GMPR2: variants seen among roughly 807,000 people sequenced by gnomAD.
The protein encoded by GMPR2 is guanosine monophosphate reductase 2, also known as GMP reductase 2.
GMPR2 carries 32 observed loss-of-function variants against 38.5 expected under a neutral mutation model. That is an observed-to-expected ratio of 0.83 (90% confidence interval 0.63 to 1.12). GMPR2 has a LOEUF of 1.12. Ranked by LOEUF, GMPR2 falls within the 50% of genes most tolerant of loss-of-function variation. The pLI is 0.00. For missense variants in GMPR2, 396 were observed against 432.1 expected (o/e 0.92, Z 0.74); for synonymous variants, 154 against 151.0 (o/e 1.02, Z -0.15).
At chr14:24,235,630 C>T (rs1176557209) in intron 3 of GMPR2, 107 bp from the exon 4 acceptor site, 5 of 794,534 alleles carry the variant, frequency 6.3e-6, no homozygotes, top group Non-Finnish European at 8.8e-6. Context: ...GACTTGTTTC[C>T]TCCCCAACTT....
chr14:24,238,396 C>T lies in GMPR2; in HGVS notation c.848C>T (p.Ala283Val), dbSNP rs770775837. 13 of 1,613,960 alleles carry T rather than the reference C, an allele frequency of 8.1e-6. No individual in the cohort carries two copies. The Admixed American group carries it at 2.2e-4, about 27-fold the overall frequency. The part of the protein sequence containing the change: ...MAMKKYAGGV[A>V]EYRASEGKTV... ...ATGAAGAAGTATGCTGGGGGCGTGG[C>T]TGAGTACAGGTATGTGTGGAGGCCC... The change falls in exon 9 of 10, where the codon GCT becomes GTT. Residue 283 changes from alanine to valine, a missense_variant. Physicochemically the swap from Ala to Val is moderately conservative, Grantham distance 64. Coordinates refer to ENST00000399440, the MANE Select transcript of GMPR2 (RefSeq NM_001002002.3).
chr14:24,238,098 G>C, intron 8 of GMPR2, 148 bp from the exon 9 acceptor site: 1 of 687,518 alleles, frequency 1.5e-6, no homozygotes, highest in Non-Finnish European at 2.5e-6. Flanking sequence ...TCAGGCCTGC[G>C]TGGATTGTGG....
At position 24,238,245 on chromosome 14, in the gene GMPR2, G is replaced by C; in HGVS notation, c.698-1G>C. 3 of 1,607,454 alleles carry C rather than the reference G, an allele frequency of 1.9e-6. No individual in the cohort carries two copies. Among genetic ancestry groups the C allele is most frequent in the Non-Finnish European group, 2.6e-6 (3 of 1,175,922 alleles). On this transcript the variant is annotated splice_acceptor_variant, in intron 8 of 9. Coordinates refer to ENST00000399440, the MANE Select transcript of GMPR2 (RefSeq NM_001002002.3). LOFTEE classifies it high-confidence loss of function. Reference sequence around the variant, plus strand: ...CTTTCCCCCCTCCATGATGGTGGCAGGGGCAGGAGCTGACTTCGTGATGCT... The same window carrying C: ...CTTTCCCCCCTCCATGATGGTGGCACGGGCAGGAGCTGACTTCGTGATGCT...
Position 24,238,301 on chromosome 14 carries a change from A to C in GMPR2, c.753A>C (p.Ser251=), listed in dbSNP as rs762853411. ...LGGMLAGHSE[S]GGELIERDGK... ...GCATGCTGGCTGGGCACAGTGAGTC[A>C]GGTGGTGAGCTCATCGAGAGGGATG... is the stretch of plus-strand genomic sequence containing the variant. Residue 251 remains serine (S), a synonymous_variant, in exon 9 of 10, where the codon TCA becomes TCC. Transcript: ENST00000399440. 4 of 1,614,086 alleles carry C rather than the reference A, an allele frequency of 2.5e-6. No individual in the cohort carries two copies. The South Asian group carries it at 3.3e-5, about 13-fold the overall frequency.
chr14:24,233,496 C>G lies in GMPR2; in HGVS notation c.105C>G (p.Ser35=). ...KSRSEVDLTR[S]FSFRNSKQTY... ...ATCTGCAGGTGGATCTCACAAGATCCTTTTCATTTCGGAACTCAAAGCAGA... is the reference window on the plus strand; with the variant it reads ...ATCTGCAGGTGGATCTCACAAGATCGTTTTCATTTCGGAACTCAAAGCAGA... Residue 35 remains serine, a synonymous_variant, in exon 3 of 10, where the codon TCC becomes TCG. Transcript: ENST00000399440. 4.3e-6 allele frequency: 7 copies of G among 1,614,054 alleles called. No individual in the cohort carries two copies. Among genetic ancestry groups the G allele is most frequent in the South Asian group, 1.1e-5 (1 of 91,046 alleles).
chr14:24,238,166 T>C (rs750791155), intron 8 of GMPR2, 80 bp from the exon 9 acceptor site: 14 of 1,222,430 alleles, frequency 1.1e-5, no homozygotes, highest in East Asian at 4.7e-5. Context: ...ACTGAGAATA[T>C]GGTGTGAGTT....
intron 3 of GMPR2, 136 bp downstream of exon 3, chr14:24,233,734 T>G (rs754641712): frequency 1.0e-5 from 10 of 963,032 alleles, no homozygotes; most frequent in Non-Finnish European, 1.5e-5. Flanking sequence ...TTACGGTTTT[T>G]TCCACTACTG....
At chr14:24,233,195 T>G in intron 1 of GMPR2, 24 bp from the exon 2 acceptor site, 1 of 1,612,752 alleles carries the variant, frequency 6.2e-7, no homozygotes. Flanking sequence ...GGAAGATTGG[T>G]CCTTATGACT....
At chr14:24,232,830 G>C, upstream of GMPR2, 1 of 253,462 alleles carries the variant, frequency 3.9e-6, no homozygotes, top group Non-Finnish European at 7.8e-6. Flanking sequence ...ACTGCCGCCT[G>C]GACCAAGGCA....
chr14:24,235,378 A>G (rs2138958026), intron 3 of GMPR2: 1 of 296,684 alleles, frequency 3.4e-6, no homozygotes, highest in East Asian at 7.8e-5. Context: ...CAGTGCAGAG[A>G]AACACAGGCT....
At position 24,239,122 on chromosome 14, in the gene GMPR2, G is replaced by A. The variant is rs1357806780; in HGVS notation, c.*344G>A. On this transcript the variant is annotated 3_prime_UTR_variant, in exon 10 of 10. Coordinates refer to ENST00000399440, the MANE Select transcript of GMPR2 (RefSeq NM_001002002.3). ...CATGGCCTTGGTCTAGAGGAGGCAG[G>A]CTTTTAGAATCATGTTTTGTTAATC... is the stretch of plus-strand genomic sequence containing the variant. 1.9e-5 allele frequency: 8 copies of A among 418,400 alleles called. No homozygotes were observed. Among genetic ancestry groups the A allele is most frequent in the Non-Finnish European group, 3.7e-5 (8 of 213,694 alleles). 25.9% of individuals were successfully genotyped at this position (418,400 alleles called of 1,614,324 possible).
rs767983384 is a variant in GMPR2, at chr14:24,237,224, CCCTTAT to C, written c.548-19_548-14del. ...ACACCTGTGGAGCACGTCATTCTTA[CCCTTAT>C]CATGTTCTTCCTAGGCTCTGTGTGT... On this transcript the variant is annotated splice_polypyrimidine_tract_variant and intron_variant, in intron 6 of 9. Transcript: ENST00000399440. The C allele has an allele frequency of 1.3e-6, 2 of 1,571,038 alleles. No homozygotes were observed. The highest frequency in any genetic ancestry group is 2.7e-5 in the African/African-American group (2 of 74,068).
At chr14:24,234,200 C>T in intron 3 of GMPR2, 1 of 1,289,438 alleles carries the variant, frequency 7.8e-7, no homozygotes, top group South Asian at 1.2e-5. Flanking sequence ...GATGCTGCTC[C>T]TGTCAGTACT....
rs2040485973 is a variant in GMPR2, at chr14:24,238,947, A to G, written c.*169A>G. Reference sequence around the variant, plus strand: ...CTGTACTTCTCTATCTGCACACACAAAATGCCCAAGGCACTCACTGGGGAG... The same window carrying G: ...CTGTACTTCTCTATCTGCACACACAGAATGCCCAAGGCACTCACTGGGGAG... On this transcript the variant is annotated 3_prime_UTR_variant, in exon 10 of 10. Coordinates refer to ENST00000399440, the MANE Select transcript of GMPR2 (RefSeq NM_001002002.3). 1 of 698,950 alleles carries G rather than the reference A, an allele frequency of 1.4e-6. No individual in the cohort carries two copies. The highest frequency in any genetic ancestry group is 2.6e-6 in the Non-Finnish European group (1 of 386,316). The allele number at this position is 698,950 out of a possible 1,614,324, so 43.3% of individuals were successfully genotyped here.
chr14:24,234,891 C>T (rs1479403156), intron 3 of GMPR2, among the ~76,000 whole-genome samples: 9 of 149,144 alleles, frequency 6.0e-5, no homozygotes, highest in South Asian at 2.1e-4. Context: ...TCTCTGAGTA[C>T]GTATGTAGAG....
chr14:24,236,933 C>T, intron 5 of GMPR2, 138 bp from the exon 6 acceptor site: 1 of 683,592 alleles, frequency 1.5e-6, no homozygotes, highest in South Asian at 1.8e-5. Context: ...TAAAAGCCCT[C>T]AGAGGGCCCA....
In GMPR2 at chr14:24,235,825, C is replaced by A; in HGVS notation, c.291+5C>A. On this transcript the variant is annotated splice_donor_5th_base_variant and intron_variant, in intron 4 of 9. Coordinates refer to ENST00000399440, the MANE Select transcript of GMPR2 (RefSeq NM_001002002.3). ...CAGAATCCTGACTGTCTTGAGGTAA[C>A]ACTGGGCATACCCTGCTCCCTTCCT... 1 of 1,608,930 alleles carries A rather than the reference C, an allele frequency of 6.2e-7. No individual in the cohort carries two copies. Among genetic ancestry groups the A allele is most frequent in the Non-Finnish European group, 8.5e-7 (1 of 1,175,260 alleles).
intron 3 of GMPR2, chr14:24,235,531 A>G (rs746672909): frequency 1.0e-5 from 6 of 573,860 alleles, no homozygotes; most frequent in Non-Finnish European, 1.2e-5. Flanking sequence ...GGGAAATCTG[A>G]CAAGTACTAG....
intron 5 of GMPR2, 48 bp from the exon 6 acceptor site, chr14:24,237,020 ACCT>A (rs749728085): frequency 5.9e-5 from 78 of 1,316,928 alleles, no homozygotes; most frequent in Non-Finnish European, 8.3e-5. Context: ...ACAATACATG[ACCT>A]CCTGTTTCTG....
Sources: gnomAD v4.1 joint callset for allele counts (sites outside exome capture counted in the v4.1 genomes callset) on GRCh38, gnomAD v4.1.1 for gene constraint, MANE v1.5 for transcripts, NCBI Gene and HGNC (gene_info 2026-07-23, HGNC 2026-07-21) for gene names.